SIN3A: variants seen among roughly 807,000 people sequenced by gnomAD.
SIN3A encodes the protein SIN3 transcription regulator family member A.
In SIN3A, 14 loss-of-function variants were observed where a neutral mutation model predicts 146.1. The ratio of observed to expected loss-of-function variants is 0.10; its 90% CI spans 0.06 to 0.15. The LOEUF (loss-of-function observed/expected upper bound fraction) is 0.15. SIN3A is among the 10% of genes least tolerant of loss of function. The pLI is 1.00. For missense variants in SIN3A, 1,028 were observed against 1,576.0 expected, an observed-to-expected ratio of 0.65 and a Z score of 5.89; for synonymous variants, 572 against 572.0, an observed-to-expected ratio of 1.00 and a Z score of 0.00.
At chr15:75,454,320 T>C (rs2074456419), upstream of SIN3A, among the ~76,000 whole-genome samples, 1 of 151,814 alleles carries the variant, frequency 6.6e-6, no homozygotes, top group African/African-American at 2.4e-5. Flanking sequence ...GAGCCGGAGG[T>C]GGGTGGGAGA....
chr15:75,432,495 T>C (rs997024341), intron 1 of SIN3A, among the ~76,000 whole-genome samples: 12 of 150,044 alleles, frequency 8.0e-5, no homozygotes, highest in African/African-American at 1.2e-4. Flanking sequence ...GGGACCAGCC[T>C]GGCCAACATG....
chr15:75,444,971 T>C (rs2074279312), intron 1 of SIN3A, among the ~76,000 whole-genome samples: 1 of 151,456 alleles, frequency 6.6e-6, no homozygotes, highest in African/African-American at 2.4e-5. Flanking sequence ...GGCTAACACC[T>C]GTAATCTCAG....
At chr15:75,455,735 C>T (rs2074478981), upstream of SIN3A, 1 of 152,246 alleles carries the variant, frequency 6.6e-6, no homozygotes, top group African/African-American at 2.4e-5. Flanking sequence ...CGGACTAGCC[C>T]CCCAAACGCC....
intron 19 of SIN3A, among the ~76,000 whole-genome samples, chr15:75,377,176 A>G (rs2072878346): frequency 6.6e-6 from 1 of 152,196 alleles, no homozygotes; most frequent in East Asian, 1.9e-4. Context: ...TGAGCTTTTC[A>G]TACAGTTGTC....
chr15:75,412,794 G>A lies in SIN3A; in HGVS notation c.725C>T (p.Ala242Val), dbSNP rs1303749612. The A allele has an allele frequency of 3.8e-6, 6 of 1,599,112 alleles. No homozygotes were observed. In the African/African-American group the frequency reaches 5.4e-5, roughly 14 times the overall value. The change falls in exon 5 of 21, where the codon GCT (alanine) becomes GTT (valine). Residue 242 changes from alanine to valine, a missense_variant. Physicochemically the swap from Ala to Val is moderately conservative, Grantham distance 64 (BLOSUM62 0). This residue lies in a region of SIN3A where 112 missense variants were observed against 135.7 expected (regional missense o/e 0.83). Coordinates refer to ENST00000394947, the MANE Select transcript of SIN3A (RefSeq NM_001145358.2). ...GACTTTGGCAGGTGGGGGCTGAGGA[G>A]CTGGCTGGGCAGGAGCTGGGGCTGA... The part of the protein sequence containing the change: ...AQSAPAPAQP[A>V]PQPPPAKVSK...
chr15:75,407,179 C>A (rs757823640), intron 8 of SIN3A, 35 bp from the exon 9 acceptor site: 2 of 1,415,252 alleles, frequency 1.4e-6, no homozygotes, highest in Non-Finnish European at 2.0e-6. Context: ...TGAGATTCAA[C>A]GAGTGGTTTT....
At chr15:75,389,583 TC>T in intron 16 of SIN3A, 68 bp downstream of exon 16, 1 of 1,518,628 alleles carries the variant, frequency 6.6e-7, no homozygotes, top group East Asian at 2.3e-5. Context: ...CCTTTCCTTT[TC>T]CTTGCGTGGC....
intron 3 of SIN3A, 33 bp downstream of exon 3, chr15:75,422,613 AT>A: frequency 6.2e-7 from 1 of 1,612,888 alleles, no homozygotes; most frequent in Non-Finnish European, 8.5e-7. Flanking sequence ...CTAAAGATAA[AT>A]TTTTTGACCC....
chr15:75,414,859 A>G (rs1361013809), intron 3 of SIN3A, among the ~76,000 whole-genome samples: 1 of 152,244 alleles, frequency 6.6e-6, no homozygotes, highest in Non-Finnish European at 1.5e-5. Context: ...AGACCAGTGA[A>G]GAAAATCAAA....
intron 2 of SIN3A, among the ~76,000 whole-genome samples, chr15:75,427,064 C>T (rs1391778376): frequency 6.6e-6 from 1 of 152,068 alleles, no homozygotes; most frequent in African/African-American, 2.4e-5. Context: ...CATTTTATAT[C>T]CTTTTTTTAA....
chr15:75,374,124 C>G (rs1247263608), intron 20 of SIN3A, among the ~76,000 whole-genome samples: 7 of 152,202 alleles, frequency 4.6e-5, no homozygotes, highest in African/African-American at 1.4e-4. Flanking sequence ...CAAAACTAAT[C>G]AGGCACCATC....
chr15:75,434,896 C>T (rs910902229), intron 1 of SIN3A, among the ~76,000 whole-genome samples: 7 of 151,038 alleles, frequency 4.6e-5, no homozygotes, highest in African/African-American at 7.3e-5. Context: ...TGCAGTGAGC[C>T]GAGATCGCGC....
intron 13 of SIN3A, among the ~76,000 whole-genome samples, chr15:75,395,677 T>C (rs1000939473): frequency 2.6e-5 from 4 of 151,986 alleles, no homozygotes; most frequent in Non-Finnish European, 5.9e-5. Flanking sequence ...GGCAGGAGGA[T>C]TGCTTGAGCC....
chr15:75,376,430 G>A (rs972468660), intron 19 of SIN3A: 1 of 157,922 alleles, frequency 6.3e-6, no homozygotes, highest in African/African-American at 2.4e-5. Flanking sequence ...ATAAACTAGT[G>A]CCATTCTACA....
rs1275717961 is a variant in SIN3A at position 75,409,831 on chromosome 15, C to T, written c.1317+5G>A. 6.2e-7 allele frequency: 1 copy of T among 1,611,880 alleles called. No individual in the cohort carries two copies. On this transcript the variant is annotated splice_donor_5th_base_variant and intron_variant, in intron 8 of 20. Coordinates refer to ENST00000394947, the MANE Select transcript of SIN3A (RefSeq NM_001145358.2). ...TCAAAATGAGCAGCTGCTGCCCATT[C>T]TCACCTTAACTGGAGGGGTGGTTCC...
intron 8 of SIN3A, 67 bp from the exon 9 acceptor site, chr15:75,407,211 G>C: frequency 9.2e-7 from 1 of 1,084,646 alleles, no homozygotes; most frequent in Non-Finnish European, 1.4e-6. Context: ...ATTTTTGTCT[G>C]TATTCAATGG....
chr15:75,428,820 T>C (rs1216300536), intron 2 of SIN3A, among the ~76,000 whole-genome samples: 1 of 152,130 alleles, frequency 6.6e-6, no homozygotes, highest in African/African-American at 2.4e-5. Context: ...CACTTATACA[T>C]GGATTTTCTC....
At chr15:75,451,012 G>C (rs1214063159) in intron 1 of SIN3A, among the ~76,000 whole-genome samples, 1 of 151,368 alleles carries the variant, frequency 6.6e-6, no homozygotes, top group African/African-American at 2.4e-5. Context: ...ACACGCGGGA[G>C]ACCCCCCCCT....
chr15:75,392,903 T>C (rs754660972), intron 14 of SIN3A, 88 bp from the exon 15 acceptor site: 7 of 961,604 alleles, frequency 7.3e-6, no homozygotes, highest in Non-Finnish European at 1.1e-5. Context: ...CATCCCATTA[T>C]CAACCACAGT....
Sources: gnomAD v4.1 joint callset for allele counts (sites outside exome capture counted in the v4.1 genomes callset) on GRCh38, gnomAD v4.1.1 for gene constraint, gnomAD v4.1.1 regional missense constraint, MANE v1.5 for transcripts, NCBI Gene and HGNC (gene_info 2026-07-23, HGNC 2026-07-21) for gene names.